Variants in TPO observed in about 807,000 individuals in gnomAD.
The protein encoded by TPO is thyroid microsomal antigen.
A neutral mutation model predicts 96.9 loss-of-function variants in TPO; 78 were observed. That is an observed-to-expected ratio of 0.81 (90% CI 0.67 to 0.97). The LOEUF is 0.97. Among genes scored for constraint, TPO ranks in the 50% least tolerant of loss-of-function variants. The pLI is 0.00. For synonymous variants in TPO, 547 were observed against 538.0 expected (o/e 1.02, Z -0.23); for missense variants, 1,252 against 1,274.8 (o/e 0.98, Z 0.27).
intron 1 of TPO, among the ~76,000 whole-genome samples, chr2:1,393,988 T>C (rs557239469): frequency 1.1e-4 from 17 of 152,332 alleles, no homozygotes; most frequent in Admixed American, 9.8e-4. Context: ...TCAAGGGCGC[T>C]TTAGTAACCT....
chr2:1,388,971 T>G (rs1661950614), intron 1 of TPO, among the ~76,000 whole-genome samples: 1 of 152,190 alleles, frequency 6.6e-6, no homozygotes, highest in Non-Finnish European at 1.5e-5. Flanking sequence ...TAAAAATCAA[T>G]TTGGGGATAC....
intron 8 of TPO, among the ~76,000 whole-genome samples, chr2:1,482,080 A>C (rs756673780): frequency 1.3e-5 from 2 of 152,212 alleles, no homozygotes; most frequent in Non-Finnish European, 2.9e-5. Context: ...GTTTGAGAAA[A>C]TGCTGAGTGA....
At position 1,477,543 on chromosome 2, in the gene TPO, C is replaced by A. The variant is rs61758082; in HGVS notation, c.1277C>A (p.Ala426Glu). The A allele has an allele frequency of 8.8e-5, 135 of 1,535,360 alleles. 2 individuals are homozygous for A. In the East Asian group the frequency reaches 1.2e-3, roughly 14 times the overall value. ...RLAAALKALN[A>E]HWSADAVYQE... is the part of the protein sequence containing the mutation. ...GCCGCGGCGCTCAAGGCCCTCAATG[C>A]GCACTGGAGCGCGGACGCCGTGTAC... Residue 426 changes from alanine to glutamate, a missense_variant, in exon 8 of 17, where the codon GCG (alanine) becomes GAG (glutamate). Coordinates refer to ENST00000329066, the MANE Select transcript of TPO (RefSeq NM_001206744.2).
intron 1 of TPO, among the ~76,000 whole-genome samples, chr2:1,398,873 AGAGGGTG>A (rs767240843): frequency 1.1e-3 from 171 of 152,250 alleles, no homozygotes; most frequent in Non-Finnish European, 2.0e-3. Flanking sequence ...CAGGACTGAC[AGAGGGTG>A]GGGGGCGCTG....
chr2:1,500,841 A>G (rs2124978063), intron 13 of TPO, among the ~76,000 whole-genome samples: 1 of 152,028 alleles, frequency 6.6e-6, no homozygotes, highest in South Asian at 2.1e-4. Flanking sequence ...GCATGGTGGT[A>G]GGCGCCTGTA....
intron 2 of TPO, among the ~76,000 whole-genome samples, chr2:1,422,695 A>G (rs770050310): frequency 6.6e-6 from 1 of 152,230 alleles, no homozygotes; most frequent in South Asian, 2.1e-4. Flanking sequence ...TATTAAATAC[A>G]CAAGATAGGC....
chr2:1,442,200 C>T (rs1412316067), intron 5 of TPO, among the ~76,000 whole-genome samples: 1 of 152,090 alleles, frequency 6.6e-6, no homozygotes, highest in East Asian at 1.9e-4. Context: ...TTATCAGCAG[C>T]ATGAAAACAG....
intron 14 of TPO, among the ~76,000 whole-genome samples, chr2:1,509,969 C>T (rs1673924458): frequency 1.3e-5 from 2 of 152,170 alleles, no homozygotes; most frequent in African/African-American, 4.8e-5. Flanking sequence ...ACAGGATACC[C>T]TCTCGTTTCA....
At chr2:1,472,040 C>T (rs1381467690) in intron 7 of TPO, among the ~76,000 whole-genome samples, 1 of 152,024 alleles carries the variant, frequency 6.6e-6, no homozygotes. Context: ...TCTTTGAGTG[C>T]TCATAGTATG....
At chr2:1,487,728 G>A (rs1671304750) in intron 9 of TPO, 93 bp from the exon 10 acceptor site, 2 of 1,511,016 alleles carry the variant, frequency 1.3e-6, no homozygotes, top group Non-Finnish European at 1.8e-6. Flanking sequence ...GAAAGAATGA[G>A]ACTCCGTCTC....
intron 5 of TPO, among the ~76,000 whole-genome samples, chr2:1,443,435 C>T (rs1314061664): frequency 7.5e-6 from 1 of 133,744 alleles, no homozygotes; most frequent in Non-Finnish European, 1.6e-5. Flanking sequence ...AGGGAATGGG[C>T]AGGCTCCTTC....
intron 2 of TPO, among the ~76,000 whole-genome samples, chr2:1,415,211 C>T (rs9678341): frequency 0.15 from 20,043 of 136,576 alleles, 1,119 homozygotes; most frequent in African/African-American, 0.29. Flanking sequence ...CACACAGTCC[C>T]GGGGCCCCTG....
chr2:1,428,979 C>G (rs942020162), intron 3 of TPO, among the ~76,000 whole-genome samples: 3 of 152,148 alleles, frequency 2.0e-5, no homozygotes, highest in Non-Finnish European at 4.4e-5. Flanking sequence ...TAGCTATAAT[C>G]TCAGTGTCCT....
chr2:1,538,431 A>AG (rs1680330791), intron 15 of TPO, among the ~76,000 whole-genome samples: 1 of 152,218 alleles, frequency 6.6e-6, no homozygotes, highest in South Asian at 2.1e-4. Flanking sequence ...TTATTTGACA[A>AG]GGATTGTTTT....
chr2:1,539,058 C>G (rs952770462), intron 15 of TPO, among the ~76,000 whole-genome samples: 2 of 152,162 alleles, frequency 1.3e-5, no homozygotes, highest in South Asian at 2.1e-4. Context: ...CCAGTATAGA[C>G]TCACCCTAAC....
chr2:1,409,648 C>CTTTCCTCT (rs1342821179), upstream of TPO, among the ~76,000 whole-genome samples: 17 of 152,174 alleles, frequency 1.1e-4, no homozygotes, highest in Admixed American at 5.9e-4. Context: ...GCTTTTCCAT[C>CTTTCCTCT]TGCATCCTTT....
At position 1,543,522 on chromosome 2, in the gene TPO, C is replaced by G. The variant is rs934472500; in HGVS notation, c.*1048C>G. The G allele has an allele frequency of 3.9e-5, 6 of 152,136 alleles. No individual in the cohort carries two copies. The highest frequency in any genetic ancestry group is 1.4e-4 in the African/African-American group (6 of 41,424). 9.4% of individuals were successfully genotyped at this position (152,136 alleles called of 1,614,324 possible). A position where few individuals can be genotyped will look rare whatever the true frequency, so the allele number is the denominator to read the frequency against. On this transcript the variant is annotated 3_prime_UTR_variant, in exon 17 of 17. Coordinates refer to ENST00000329066, the MANE Select transcript of TPO (RefSeq NM_001206744.2). Reference sequence around the variant, plus strand: ...TCGCTCTACTGTTATGTAGAGAAAGCATGGTTTGCTTTTTATAACTTTTGT... The same window carrying G: ...TCGCTCTACTGTTATGTAGAGAAAGGATGGTTTGCTTTTTATAACTTTTGT...
intron 3 of TPO, 45 bp downstream of exon 3, chr2:1,423,174 C>T (rs769248708): frequency 3.8e-6 from 6 of 1,577,056 alleles, no homozygotes; most frequent in East Asian, 4.5e-5. Flanking sequence ...CACCGACAGG[C>T]GCATCCTCCC....
intron 14 of TPO, among the ~76,000 whole-genome samples, chr2:1,513,047 G>T (rs1046013359): frequency 6.6e-6 from 1 of 152,146 alleles, no homozygotes; most frequent in African/African-American, 2.4e-5. Context: ...TGCCCTCTCC[G>T]TACAGATGGC....
Sources: allele counts gnomAD v4.1 joint callset (sites outside exome capture counted in the v4.1 genomes callset), GRCh38; gene constraint gnomAD v4.1.1; transcripts MANE v1.5; gene names NCBI Gene and HGNC (gene_info 2026-07-23, HGNC 2026-07-21).